CSMD1: variants seen among roughly 807,000 people sequenced by gnomAD.
CSMD1 encodes the protein CUB and Sushi multiple domains 1.
A neutral mutation model predicts 417.5 loss-of-function variants in CSMD1; 213 were observed. The ratio of observed to expected loss-of-function variants is 0.51; its 90% CI spans 0.46 to 0.57. The LOEUF is 0.57. CSMD1 is among the 20% of genes least tolerant of loss of function. The pLI is 0.00. For missense variants in CSMD1, 6,923 were observed against 4,529.7 expected, an observed-to-expected ratio of 1.53 and a Z score of -15.17; for synonymous variants, 2,862 against 1,736.8, an observed-to-expected ratio of 1.65 and a Z score of -16.11.
intron 7 of CSMD1, among the ~76,000 whole-genome samples, chr8:3,676,133 T>A (rs1037998596): frequency 6.6e-6 from 1 of 152,238 alleles, no homozygotes; most frequent in East Asian, 1.9e-4. Flanking sequence ...GATACTATTA[T>A]ACCTAGAATA....
intron 23 of CSMD1, among the ~76,000 whole-genome samples, chr8:3,325,936 AG>A (rs1284885303): frequency 6.6e-6 from 1 of 152,264 alleles, no homozygotes; most frequent in Non-Finnish European, 1.5e-5. Context: ...TATGCAAATA[AG>A]AAAAAATAAT....
At chr8:4,066,123 G>C (rs778436383) in intron 3 of CSMD1, among the ~76,000 whole-genome samples, 1 of 152,028 alleles carries the variant, frequency 6.6e-6, no homozygotes, top group Non-Finnish European at 1.5e-5. Context: ...CTGAGCCTTT[G>C]TTCAAGCTCT....
At chr8:3,907,419 C>A (rs1235276232) in intron 5 of CSMD1, among the ~76,000 whole-genome samples, 1 of 151,984 alleles carries the variant, frequency 6.6e-6, no homozygotes, top group African/African-American at 2.4e-5. Context: ...ATGTATTCCC[C>A]TTAGAATTTT....
chr8:3,051,579 T>A (rs76477411), intron 50 of CSMD1, among the ~76,000 whole-genome samples: 2 of 152,294 alleles, frequency 1.3e-5, no homozygotes, highest in South Asian at 4.2e-4. Flanking sequence ...CTTGCACATG[T>A]ATCCCTGAAC....
At chr8:4,900,361 T>C (rs1232188330) in intron 1 of CSMD1, among the ~76,000 whole-genome samples, 1 of 152,182 alleles carries the variant, frequency 6.6e-6, no homozygotes, top group East Asian at 1.9e-4. Flanking sequence ...GGCAGAAATG[T>C]TGGAGCAACC....
At chr8:3,619,382 T>A (rs1802307062) in intron 7 of CSMD1, among the ~76,000 whole-genome samples, 1 of 151,164 alleles carries the variant, frequency 6.6e-6, no homozygotes, top group Non-Finnish European at 1.5e-5. Flanking sequence ...AAATGCTTAT[T>A]TTTTTTTAAC....
chr8:4,378,824 C>T (rs538752659), intron 3 of CSMD1, among the ~76,000 whole-genome samples: 2 of 152,220 alleles, frequency 1.3e-5, no homozygotes, highest in South Asian at 4.2e-4. Context: ...CCCCTTCTGC[C>T]ATGTGAGGAC....
At chr8:4,656,486 C>T in intron 1 of CSMD1, among the ~76,000 whole-genome samples, 1 of 151,928 alleles carries the variant, frequency 6.6e-6, no homozygotes, top group East Asian at 1.9e-4. Flanking sequence ...ATTTACGGAC[C>T]ATTTCATAAA....
At chr8:3,408,834 G>C (rs950868121) in intron 13 of CSMD1, among the ~76,000 whole-genome samples, 2 of 151,712 alleles carry the variant, frequency 1.3e-5, no homozygotes, top group African/African-American at 2.4e-5. Flanking sequence ...GAAACTGTTG[G>C]ATTTATCTCT....
chr8:2,978,529 T>G, intron 55 of CSMD1, 83 bp downstream of exon 55: 1 of 1,148,934 alleles, frequency 8.7e-7, no homozygotes, highest in Non-Finnish European at 1.2e-6. Context: ...ATTCAGTGCC[T>G]TTTAAATATA....
chr8:3,748,351 C>A (rs1400977066), intron 6 of CSMD1, among the ~76,000 whole-genome samples: 1 of 152,060 alleles, frequency 6.6e-6, no homozygotes, highest in Non-Finnish European at 1.5e-5. Context: ...TGCATCCATA[C>A]CTACCTAATA....
At chr8:3,076,342 A>AC (rs1486561853) in intron 49 of CSMD1, among the ~76,000 whole-genome samples, 38 of 152,328 alleles carry the variant, frequency 2.5e-4, no homozygotes, top group African/African-American at 9.1e-4. Context: ...CACCAGCCAC[A>AC]TTGGATTAGG....
At chr8:3,481,504 G>A (rs1387160342) in intron 11 of CSMD1, among the ~76,000 whole-genome samples, 1 of 152,152 alleles carries the variant, frequency 6.6e-6, no homozygotes, top group Non-Finnish European at 1.5e-5. Flanking sequence ...ATAAATAATG[G>A]CCTCACTCCT....
intron 7 of CSMD1, among the ~76,000 whole-genome samples, chr8:3,652,856 G>A (rs551537325): frequency 1.3e-5 from 2 of 152,284 alleles, no homozygotes; most frequent in South Asian, 2.1e-4. Flanking sequence ...GCAGAACCTA[G>A]AACAGAGGGT....
At chr8:4,968,683 G>T (rs1483074421) in intron 1 of CSMD1, among the ~76,000 whole-genome samples, 2 of 152,050 alleles carry the variant, frequency 1.3e-5, no homozygotes, top group African/African-American at 2.4e-5. Context: ...AGCTATCTCT[G>T]CTTTCAAATA....
intron 23 of CSMD1, among the ~76,000 whole-genome samples, chr8:3,316,631 G>A (rs960077161): frequency 6.6e-6 from 1 of 152,120 alleles, no homozygotes; most frequent in Non-Finnish European, 1.5e-5. Context: ...ATGGCAGTTG[G>A]GAACACCAAT....
At chr8:4,697,973 G>C (rs945030602) in intron 1 of CSMD1, among the ~76,000 whole-genome samples, 2 of 152,102 alleles carry the variant, frequency 1.3e-5, no homozygotes, top group Admixed American at 6.5e-5. Context: ...TTAAATGTAA[G>C]TATTCATTAC....
Position 3,729,946 on chromosome 8 carries a change from A to C in CSMD1, c.932-21455T>G, listed in dbSNP as rs1346977948. Among the ~76,000 whole-genome samples, 44 of 19,212 alleles carry C rather than the reference A, an allele frequency of 2.3e-3. 1 individual carries two copies. The highest frequency in any genetic ancestry group is 1.0e-2 in the Non-Finnish European group (34 of 3,414). 12.6% of individuals were successfully genotyped at this position (19,212 alleles called of 152,430 possible). A position where few individuals can be genotyped will look rare whatever the true frequency, so the allele number is the denominator to read the frequency against. On this transcript the variant is annotated intron_variant, in intron 6 of 69. Transcript: ENST00000635120. ...GTAAAAAAAAAAAAAAAAAAAAAAA[A>C]AAAAAAAAAAAAAAACAAAAACAGA... is the stretch of plus-strand genomic sequence containing the variant.
chr8:4,318,253 C>G (rs533701802), intron 3 of CSMD1, among the ~76,000 whole-genome samples: 3 of 152,194 alleles, frequency 2.0e-5, no homozygotes, highest in African/African-American at 7.2e-5. Flanking sequence ...AGAAATGACA[C>G]TTGGTAACAT....
Sources: allele counts gnomAD v4.1 joint callset (sites outside exome capture counted in the v4.1 genomes callset), GRCh38; gene constraint gnomAD v4.1.1; transcripts MANE v1.5; gene names NCBI Gene and HGNC (gene_info 2026-07-23, HGNC 2026-07-21).